The following MAP3K6 variants were observed in gnomAD, a reference collection of about 807,000 sequenced individuals.
MAP3K6 encodes apoptosis signal-regulating kinase 2.
Under a neutral mutation model 147.1 loss-of-function variants are expected in MAP3K6, and 105 were observed. That is an observed-to-expected ratio of 0.71 (90% CI 0.61 to 0.84). The LOEUF (loss-of-function observed/expected upper bound fraction) is 0.84, where lower values mean the gene tolerates loss of function less well. Among genes scored for constraint, MAP3K6 ranks in the 40% least tolerant of loss-of-function variants. The probability of loss-of-function intolerance (pLI) is 0.00; values close to 1 mark genes in which losing one functional copy is unlikely to be tolerated. For missense variants in MAP3K6, 1,569 were observed against 1,715.0 expected (o/e 0.91, Z 1.50); for synonymous variants, 695 against 732.4 (o/e 0.95, Z 0.82).
Position 27,356,064 on chromosome 1 carries a change from G to C in MAP3K6, c.3673C>G (p.Leu1225Val), listed in dbSNP as rs992364585. The part of the protein sequence containing the change: ...LSTDQGLVQW[L>V]QELNVDSGTI... ...CCTGAATCCACATTCAGTTCCTGTAGCCACTGCACCAGGCCCTGGTCCGTT... is the reference window on the plus strand; with the variant it reads ...CCTGAATCCACATTCAGTTCCTGTACCCACTGCACCAGGCCCTGGTCCGTT... Residue 1225 changes from leucine (L) to valine (V), a missense_variant, in exon 27 of 29, where the codon CTA (leucine) becomes GTA (valine). Leu to Val is a conservative substitution (Grantham distance 32). Coordinates refer to ENST00000357582, the MANE Select transcript of MAP3K6 (RefSeq NM_004672.5). 3 of 1,614,052 alleles carry C rather than the reference G, an allele frequency of 1.9e-6. No individual in the cohort carries two copies. The highest frequency in any genetic ancestry group is 2.5e-6 in the Non-Finnish European group (3 of 1,180,040).
At position 27,360,074 on chromosome 1, in the gene MAP3K6, C is replaced by A; in HGVS notation, c.2183-80G>T. 6.3e-7 allele frequency: 1 copy of A among 1,596,284 alleles called. No homozygotes were observed. Among genetic ancestry groups the A allele is most frequent in the Non-Finnish European group, 8.6e-7 (1 of 1,168,144 alleles). ...CTCTCTGCTCAAGGCCCAGACACAC[C>A]CATGTTGTAGCCCAACTCCATCACC... On this transcript the variant is annotated intron_variant, in intron 16 of 28. Coordinates refer to ENST00000357582, the MANE Select transcript of MAP3K6 (RefSeq NM_004672.5). The surrounding 1 kb of genome is among the most constrained non-coding windows in gnomAD (Gnocchi z 4.5).
rs1421935356 is a variant in MAP3K6, at chr1:27,366,284, G to A, written c.314C>T (p.Ala105Val). Residue 105 changes from alanine (A) to valine (V), a missense_variant, in exon 1 of 29, where the codon GCG becomes GTG. Physicochemically the swap from Ala to Val is moderately conservative, Grantham distance 64 (BLOSUM62 0). Transcript: ENST00000357582. This position sits in a 1 kb window ranked among gnomAD's most constrained non-coding sequence, Gnocchi z 5.5. ...CGCGTTGTAGAAGGCATCCAGAGCC[G>A]CGGTGTCGCCTAGCTCCAGCGTCCC... ...PFGTLELGDT[A>V]ALDAFYNADV... The A allele has an allele frequency of 9.7e-6, 13 of 1,338,594 alleles. No homozygotes were observed. Among genetic ancestry groups the A allele is most frequent in the East Asian group, 3.1e-5 (1 of 32,550 alleles). The allele number at this position is 1,338,594 out of a possible 1,614,324, so 82.9% of individuals were successfully genotyped here. A position where few individuals can be genotyped will look rare whatever the true frequency, so the allele number is the denominator to read the frequency against.
rs1285109019 is a variant in MAP3K6 at position 27,358,252 on chromosome 1, A to G, written c.2844T>C (p.Pro948=). 2 of 1,600,278 alleles carry G rather than the reference A, an allele frequency of 1.2e-6. No homozygotes were observed. Among genetic ancestry groups the G allele is most frequent in the African/African-American group, 1.4e-5 (1 of 73,768 alleles). The change falls in exon 21 of 29, where the codon CCT becomes CCC. Residue 948 remains proline (P), a synonymous_variant. Coordinates refer to ENST00000357582, the MANE Select transcript of MAP3K6 (RefSeq NM_004672.5). This position sits in a 1 kb window ranked among gnomAD's most constrained non-coding sequence, Gnocchi z 6.2. ...STTQSQTFPC[P]QAPSQHPPSP... ...TGGGTGGGTGCTGAGAGGGTGCCTGAGGGCACGGGAATGTCTGAGACTGGG... is the reference window on the plus strand; with the variant it reads ...TGGGTGGGTGCTGAGAGGGTGCCTGGGGGCACGGGAATGTCTGAGACTGGG...
At position 27,366,259 on chromosome 1, in the gene MAP3K6, C is replaced by A; in HGVS notation, c.339G>T (p.Ala113=). 7.5e-7 allele frequency: 1 copy of A among 1,327,602 alleles called. No homozygotes were observed. Among genetic ancestry groups the A allele is most frequent in the Non-Finnish European group, 9.6e-7 (1 of 1,040,354 alleles). The allele number at this position is 1,327,602 out of a possible 1,614,324, so 82.2% of individuals were successfully genotyped here. A position where few individuals can be genotyped will look rare whatever the true frequency, so the allele number is the denominator to read the frequency against. ...CGGCCCCGCCCCCAGCGCTCTCACC[C>A]GCGTTGTAGAAGGCATCCAGAGCCG... ...DTAALDAFYN[A]DVVVLEVSSS... Residue 113 remains alanine (A), a splice_region_variant and synonymous_variant, in exon 1 of 29, where the codon GCG becomes GCT. Coordinates refer to ENST00000357582, the MANE Select transcript of MAP3K6 (RefSeq NM_004672.5). The surrounding 1 kb of genome is among the most constrained non-coding windows in gnomAD (Gnocchi z 5.5).
chr1:27,356,292 G>T (rs568930847), intron 26 of MAP3K6, 96 bp downstream of exon 26: 1 of 1,253,450 alleles, frequency 8.0e-7, no homozygotes, highest in East Asian at 2.5e-5. Context: ...GCCCGCTCAG[G>T]TGATGAGCCC....
chr1:27,362,187 T>A lies in MAP3K6; in HGVS notation c.1319A>T (p.Asp440Val), dbSNP rs1440407766. The A allele has an allele frequency of 6.2e-7, 1 of 1,613,426 alleles. No individual in the cohort carries two copies. The highest frequency in any genetic ancestry group is 8.5e-7 in the Non-Finnish European group (1 of 1,179,988). Reference protein sequence around the residue: ...GCVEKMQYYWDVGFYLGAQIL... With the variant: ...GCVEKMQYYWVVGFYLGAQIL... Reference sequence around the variant, plus strand: ...CTGGGCTCCCAGGTAGAAACCCACATCCCAGTAATACTGCATCTTCTCCAC... The same window carrying A: ...CTGGGCTCCCAGGTAGAAACCCACAACCCAGTAATACTGCATCTTCTCCAC... The change falls in exon 9 of 29, where the codon GAT becomes GTT. Residue 440 changes from aspartate to valine, a missense_variant. Physicochemically the swap from Asp to Val is radical, Grantham distance 152 (BLOSUM62 -3). Coordinates refer to ENST00000357582, the MANE Select transcript of MAP3K6 (RefSeq NM_004672.5).
In MAP3K6 at chr1:27,361,500, G is replaced by A. The variant is rs768054357; in HGVS notation, c.1686+20C>T. ...AAGGTCCTAGCAAAGGTGAGTGAGG[G>A]GCCTCAGCAGCGACTTCACCTGGGT... On this transcript the variant is annotated intron_variant, in intron 11 of 28. Coordinates refer to ENST00000357582, the MANE Select transcript of MAP3K6 (RefSeq NM_004672.5). 95 of 1,613,210 alleles carry A rather than the reference G, an allele frequency of 5.9e-5. No individual in the cohort carries two copies. Among genetic ancestry groups the A allele is most frequent in the Non-Finnish European group, 7.5e-5 (89 of 1,179,462 alleles).
intron 24 of MAP3K6, 38 bp downstream of exon 24, chr1:27,356,971 C>T (rs769102709): frequency 3.1e-6 from 5 of 1,587,484 alleles, no homozygotes; most frequent in East Asian, 2.2e-5. Context: ...AAGCACCACA[C>T]CCTCGCTGGC....
At position 27,359,801 on chromosome 1, in the gene MAP3K6, C is replaced by G; in HGVS notation, c.2319+57G>C. 1 of 1,607,142 alleles carries G rather than the reference C, an allele frequency of 6.2e-7. No individual in the cohort carries two copies. The highest frequency in any genetic ancestry group is 8.5e-7 in the Non-Finnish European group (1 of 1,174,722). ...TAAACTGCCAGCCTGCGTCTGGGACCATGTTTCCTTCCCCGCCACCCTCAG... is the reference window on the plus strand; with the variant it reads ...TAAACTGCCAGCCTGCGTCTGGGACGATGTTTCCTTCCCCGCCACCCTCAG... On this transcript the variant is annotated intron_variant, in intron 17 of 28. Coordinates refer to ENST00000357582, the MANE Select transcript of MAP3K6 (RefSeq NM_004672.5). The surrounding 1 kb of genome is among the most constrained non-coding windows in gnomAD (Gnocchi z 4.4).
chr1:27,355,675 CG>C lies in MAP3K6; in HGVS notation c.3781del (p.Arg1261AlafsTer31), dbSNP rs768616209. The C allele has an allele frequency of 6.2e-6, 10 of 1,613,558 alleles. No individual in the cohort carries two copies. The highest frequency in any genetic ancestry group is 7.6e-6 in the Non-Finnish European group (9 of 1,179,984). ...YATRDDLIYTRIRGGMVCRIW... is the reference protein window; with the variant it reads ...YATRDDLIYTXIRGGMVCRIW... ...TGGGGGGCCCAGGATGTACCTGATG[CG>C]GGTGTAGATGAGGTCATCTCGAGTG... On this transcript the variant is annotated frameshift_variant, in exon 28 of 29. Transcript: ENST00000357582. LOFTEE classifies it high-confidence loss of function.
chr1:27,363,116 G>A (rs1424613119), intron 6 of MAP3K6, 95 bp from the exon 7 acceptor site: 2 of 1,166,554 alleles, frequency 1.7e-6, no homozygotes, highest in East Asian at 2.6e-5. Flanking sequence ...CCTTCCAGGG[G>A]CCTGACAATA....
chr1:27,356,890 C>G, intron 24 of MAP3K6, 119 bp downstream of exon 24: 1 of 1,404,422 alleles, frequency 7.1e-7, no homozygotes, highest in Middle Eastern at 2.2e-4. Flanking sequence ...TAGTCACGCC[C>G]CCACCGGCGC....
rs767272588 is a variant in MAP3K6, at chr1:27,356,725, G to C, written c.3389C>G (p.Pro1130Arg). 3 of 1,578,930 alleles carry C rather than the reference G, an allele frequency of 1.9e-6. No individual in the cohort carries two copies. In the South Asian group the frequency reaches 3.5e-5, roughly 18 times the overall value. The change falls in exon 25 of 29, where the codon CCG (proline) becomes CGG (arginine). Residue 1130 changes from proline (P) to arginine (R), a missense_variant. Pro to Arg is a moderately radical substitution (Grantham distance 103, BLOSUM62 -2). Transcript: ENST00000357582. The part of the protein sequence containing the change: ...GPEVEKEAVS[P>R]RSEELSNEGD... ...TTCATTACTCAGCTCCTCTGACCTCGGTGAGACCGCCTCCTTCTCCACCTC... is the reference window on the plus strand; with the variant it reads ...TTCATTACTCAGCTCCTCTGACCTCCGTGAGACCGCCTCCTTCTCCACCTC...
intron 5 of MAP3K6, 93 bp downstream of exon 5, chr1:27,363,824 C>G (rs2015873426): frequency 7.7e-7 from 1 of 1,290,728 alleles, no homozygotes; most frequent in South Asian, 1.5e-5. Flanking sequence ...TGCCCAAAGC[C>G]ACCAGTGAGC....
rs1486323463 is a variant in MAP3K6, at chr1:27,361,823, A to C, written c.1460T>G (p.Phe487Cys). Reference protein sequence around the residue: ...VMETFLLYQHFRPTPEPPGGP... With the variant: ...VMETFLLYQHCRPTPEPPGGP... ...TCCAGGGGGCTCTGGCGTGGGCCTG[A>C]AGTGCTGGTAGAGCAGGAAGGTCTC... Residue 487 changes from phenylalanine (F) to cysteine (C), a missense_variant, in exon 10 of 29, where the codon TTC becomes TGC. Transcript: ENST00000357582. The C allele has an allele frequency of 6.3e-7, 1 of 1,596,720 alleles. No homozygotes were observed. Among genetic ancestry groups the C allele is most frequent in the East Asian group, 2.2e-5 (1 of 44,722 alleles).
rs55990440 is a variant in MAP3K6, at chr1:27,357,477, C to T, written c.3181G>A (p.Ala1061Thr). The stretch of plus-strand genomic sequence containing the variant: ...TGGGCCCTCAGCCGTCCTTGCAGCG[C>T]CCGCAGCTCCTGGGCGAGCTGCCGG... Reference protein sequence around the residue: ...NRRQLAQELRALQGRLRAQGL... With the variant: ...NRRQLAQELRTLQGRLRAQGL... The change falls in exon 23 of 29, where the codon GCG becomes ACG. Residue 1061 changes from alanine to threonine, a missense_variant. Ala to Thr is a moderately conservative substitution (Grantham distance 58). Transcript: ENST00000357582. The T allele has an allele frequency of 3.9e-4, 623 of 1,613,580 alleles. No homozygotes were observed. The East Asian group carries it at 5.1e-3, about 13-fold the overall frequency.
chr1:27,363,308 T>C (rs2015852707), intron 6 of MAP3K6, 134 bp downstream of exon 6: 3 of 626,768 alleles, frequency 4.8e-6, no homozygotes, highest in Non-Finnish European at 8.1e-6. Flanking sequence ...AACAGGGACC[T>C]ATTGACATCA....
rs200592292 is a variant in MAP3K6, at chr1:27,357,542, A to T, written c.3116T>A (p.Leu1039Gln). 6.2e-7 allele frequency: 1 copy of T among 1,613,010 alleles called. No homozygotes were observed. The highest frequency in any genetic ancestry group is 2.2e-5 in the East Asian group (1 of 44,864). ...ARLGRNHVEE[L>Q]LRCLGAHIHT... Reference sequence around the variant, plus strand: ...GATGTGTGCCCCGAGGCAGCGCAGCAGCTCTTCCACATGGTTTCTGCCCAG... The same window carrying T: ...GATGTGTGCCCCGAGGCAGCGCAGCTGCTCTTCCACATGGTTTCTGCCCAG... The change falls in exon 23 of 29, where the codon CTG (leucine) becomes CAG (glutamine). Residue 1039 changes from leucine (L) to glutamine (Q), a missense_variant. By Grantham distance (113) the Leu-to-Gln change is moderately radical (BLOSUM62 -2). Transcript: ENST00000357582.
chr1:27,363,401 C>T (rs780708026), intron 6 of MAP3K6, 41 bp downstream of exon 6: 1 of 1,546,446 alleles, frequency 6.5e-7, no homozygotes, highest in Admixed American at 1.9e-5. Context: ...GTTTCGGAAA[C>T]CTTTATGTGG....
Sources: gnomAD v4.1 joint callset for allele counts on GRCh38, gnomAD v4.1.1 for gene constraint, Gnocchi (gnomAD v3.1) non-coding constraint, MANE v1.5 for transcripts, NCBI Gene and HGNC (gene_info 2026-07-23, HGNC 2026-07-21) for gene names.